Variants in RABGAP1L observed in about 807,000 individuals in gnomAD.
RABGAP1L encodes rab GTPase-activating protein 1-like.
A neutral mutation model predicts 137.7 loss-of-function variants in RABGAP1L; 63 were observed. The ratio of observed to expected loss-of-function variants is 0.46; its 90% CI spans 0.37 to 0.56. The LOEUF is 0.56. RABGAP1L is among the 20% of genes least tolerant of loss of function. The probability of loss-of-function intolerance (pLI) is 0.00; values close to 1 mark genes in which losing one functional copy is unlikely to be tolerated. For missense variants in RABGAP1L, 1,095 were observed against 1,244.0 expected (o/e 0.88, Z 1.80); for synonymous variants, 431 against 433.7 (o/e 0.99, Z 0.08).
intron 13 of RABGAP1L, among the ~76,000 whole-genome samples, chr1:174,588,427 A>T (rs1360321396): frequency 6.6e-6 from 1 of 151,966 alleles, no homozygotes; most frequent in Non-Finnish European, 1.5e-5. Flanking sequence ...AGCCTCTCAA[A>T]ATGTTAGGAT....
At chr1:174,968,662 A>G (rs1275622133) in intron 20 of RABGAP1L, among the ~76,000 whole-genome samples, 2 of 152,172 alleles carry the variant, frequency 1.3e-5, no homozygotes, top group Non-Finnish European at 2.9e-5. Context: ...AAAAACAAAA[A>G]AACTAGATAT....
chr1:174,596,501 A>T (rs1046017715), intron 13 of RABGAP1L, among the ~76,000 whole-genome samples: 1 of 152,080 alleles, frequency 6.6e-6, no homozygotes. Context: ...TAAATTTTAA[A>T]TTTCTTTTTC....
At chr1:174,615,000 T>C (rs930123587) in intron 13 of RABGAP1L, among the ~76,000 whole-genome samples, 20 of 152,222 alleles carry the variant, frequency 1.3e-4, no homozygotes, top group African/African-American at 4.8e-4. Context: ...TCAAAGTTAT[T>C]AACTTCTTTG....
At chr1:174,740,309 C>G (rs1196484485) in intron 17 of RABGAP1L, among the ~76,000 whole-genome samples, 1 of 150,922 alleles carries the variant, frequency 6.6e-6, no homozygotes, top group African/African-American at 2.4e-5. Context: ...CTAACATTTA[C>G]CTATATATAA....
intron 19 of RABGAP1L, among the ~76,000 whole-genome samples, chr1:174,869,771 T>C (rs1320404394): frequency 6.6e-6 from 1 of 152,128 alleles, no homozygotes; most frequent in Non-Finnish European, 1.5e-5. Context: ...TTAAGTTCTC[T>C]TGAATGAGAT....
chr1:174,317,166 A>C (rs1679453765), intron 11 of RABGAP1L, among the ~76,000 whole-genome samples: 2 of 151,878 alleles, frequency 1.3e-5, no homozygotes, highest in African/African-American at 2.4e-5. Context: ...CCTAAGGTGC[A>C]AGACAAAGTC....
chr1:174,302,330 A>G (rs905763624), intron 10 of RABGAP1L, among the ~76,000 whole-genome samples: 1 of 152,198 alleles, frequency 6.6e-6, no homozygotes, highest in Non-Finnish European at 1.5e-5. Context: ...ACTTGTTATT[A>G]CTGTGTACTG....
chr1:174,164,187 C>T (rs1322414340), intron 1 of RABGAP1L, among the ~76,000 whole-genome samples: 1 of 150,970 alleles, frequency 6.6e-6, no homozygotes, highest in African/African-American at 2.4e-5. Context: ...TGAACAAATG[C>T]TAAAAACCTT....
rs143921799 is a variant in RABGAP1L, at chr1:174,660,184, G to C, written c.1824+22696G>C. Among the ~76,000 whole-genome samples the C allele has an allele frequency of 3.9e-4, 59 of 152,178 alleles. No homozygotes were observed. In the East Asian group the frequency reaches 9.1e-3, roughly 23 times the overall value. ...AAGGACCTTGTTCGCTCTCCACCAG[G>C]GACAGAAATAGCAGTGGGGTAAGCC... On this transcript the variant is annotated intron_variant, in intron 14 of 25. Transcript: ENST00000681986.
At chr1:174,443,926 T>C (rs1267408437) in intron 13 of RABGAP1L, among the ~76,000 whole-genome samples, 1 of 152,094 alleles carries the variant, frequency 6.6e-6, no homozygotes, top group Non-Finnish European at 1.5e-5. Flanking sequence ...GCAGCATTGA[T>C]GGAAGACACT....
intron 1 of RABGAP1L, among the ~76,000 whole-genome samples, chr1:174,164,164 A>G (rs761714200): frequency 2.7e-5 from 4 of 149,638 alleles, no homozygotes; most frequent in Non-Finnish European, 5.9e-5. Flanking sequence ...TATATCCTTC[A>G]GGTATGTAGG....
intron 11 of RABGAP1L, among the ~76,000 whole-genome samples, chr1:174,315,782 T>G (rs924535998): frequency 9.9e-5 from 15 of 152,152 alleles, no homozygotes; most frequent in African/African-American, 3.6e-4. Context: ...ACTTGAATAT[T>G]GGTATCTTTC....
At chr1:174,215,832 G>A (rs758639091) in intron 1 of RABGAP1L, among the ~76,000 whole-genome samples, 1 of 152,090 alleles carries the variant, frequency 6.6e-6, no homozygotes, top group African/African-American at 2.4e-5. Flanking sequence ...TATATACTCC[G>A]AAGAAGAGAT....
intron 5 of RABGAP1L, among the ~76,000 whole-genome samples, chr1:174,249,657 T>C (rs1672558562): frequency 6.6e-6 from 1 of 151,680 alleles, no homozygotes; most frequent in South Asian, 2.1e-4. Context: ...TTTCTTTTTT[T>C]TTTTTGGAGA....
chr1:174,860,136 GC>G (rs1650043215), intron 19 of RABGAP1L, among the ~76,000 whole-genome samples: 2 of 151,872 alleles, frequency 1.3e-5, no homozygotes, highest in Non-Finnish European at 2.9e-5. Flanking sequence ...TTCTTATATG[GC>G]CCTCACTAGC....
At chr1:174,620,410 A>G (rs563012618) in intron 13 of RABGAP1L, among the ~76,000 whole-genome samples, 2 of 152,338 alleles carry the variant, frequency 1.3e-5, no homozygotes, top group South Asian at 4.1e-4. Flanking sequence ...CAAATGTAAA[A>G]GAACAGAAAT....
intron 13 of RABGAP1L, among the ~76,000 whole-genome samples, chr1:174,631,320 G>C (rs947692763): frequency 7.9e-5 from 11 of 139,474 alleles, no homozygotes; most frequent in African/African-American, 3.0e-4. Flanking sequence ...CAACTATGTG[G>C]TCAATTATGG....
chr1:174,538,571 G>A (rs1201178413), intron 13 of RABGAP1L, among the ~76,000 whole-genome samples: 1 of 152,042 alleles, frequency 6.6e-6, no homozygotes, highest in Non-Finnish European at 1.5e-5. Flanking sequence ...TCTTTGAACT[G>A]CATCTTGACA....
At chr1:174,778,655 C>T (rs752744064) in intron 18 of RABGAP1L, among the ~76,000 whole-genome samples, 4 of 151,950 alleles carry the variant, frequency 2.6e-5, no homozygotes, top group South Asian at 2.1e-4. Flanking sequence ...AGTGTAATGG[C>T]GTGATCTCAG....
Sources: allele counts gnomAD v4.1 joint callset (sites outside exome capture counted in the v4.1 genomes callset), GRCh38; gene constraint gnomAD v4.1.1; transcripts MANE v1.5; gene names NCBI Gene and HGNC (gene_info 2026-07-23, HGNC 2026-07-21).